Variants in TRAF5 observed in about 807,000 individuals in gnomAD.
The protein encoded by TRAF5 is TNF receptor associated factor 5, also known as TNF receptor-associated factor 5.
A neutral mutation model predicts 64.5 loss-of-function variants in TRAF5; 48 were observed. That is an observed-to-expected ratio of 0.74 (90% CI 0.59 to 0.95). The LOEUF is 0.95. TRAF5 is among the 40% of genes least tolerant of loss of function. TRAF5 has a pLI of 0.00. For synonymous variants in TRAF5, 206 were observed against 240.5 expected (o/e 0.86, Z 1.33); for missense variants, 545 against 662.8 (o/e 0.82, Z 1.95).
At position 211,372,892 on chromosome 1, in the gene TRAF5, T is replaced by G. The variant is rs1572098946; in HGVS notation, c.*190T>G. On this transcript the variant is annotated 3_prime_UTR_variant, in exon 11 of 11. Transcript: ENST00000261464. ...ATTTTACTCTGTCCCAGTTTGAAAC[T>G]TAAAACTCTTAGAATATTCTCTTAT... 2.0e-6 allele frequency: 1 copy of G among 508,670 alleles called. No homozygotes were observed. Among genetic ancestry groups the G allele is most frequent in the East Asian group, 3.1e-5 (1 of 32,574 alleles). The allele number at this position is 508,670 out of a possible 1,614,324, so 31.5% of individuals were successfully genotyped here.
At chr1:211,333,699 C>T (rs1217176494) in intron 1 of TRAF5, among the ~76,000 whole-genome samples, 3 of 151,662 alleles carry the variant, frequency 2.0e-5, no homozygotes, top group Non-Finnish European at 2.9e-5. Context: ...GGTTTCACCA[C>T]GTTAGCCAGG....
intron 4 of TRAF5, 33 bp from the exon 5 acceptor site, chr1:211,359,879 C>G (rs1324257502): frequency 1.2e-6 from 2 of 1,612,436 alleles, no homozygotes; most frequent in African/African-American, 2.7e-5. Context: ...CCCTGGTCAG[C>G]AGGTCCCACT....
intron 1 of TRAF5, among the ~76,000 whole-genome samples, chr1:211,338,283 G>A (rs922713295): frequency 6.6e-6 from 1 of 152,204 alleles, no homozygotes; most frequent in Non-Finnish European, 1.5e-5. Context: ...GTCCAAGCTA[G>A]CATTTTCATC....
chr1:211,358,751 A>C (rs1703068758), intron 4 of TRAF5: 1 of 148,928 alleles, frequency 6.7e-6, no homozygotes, highest in Admixed American at 6.7e-5. Flanking sequence ...AGAACCCTGG[A>C]ATGAACACTG....
At chr1:211,326,741 C>T (rs1463870282), upstream of TRAF5, 35 of 985,744 alleles carry the variant, frequency 3.6e-5, no homozygotes, top group East Asian at 1.6e-3. The surrounding 1 kb of genome is among the most constrained non-coding windows in gnomAD (Gnocchi z 5.0). Flanking sequence ...TGCGCGTCCG[C>T]TCTTCCCCTG....
intron 1 of TRAF5, among the ~76,000 whole-genome samples, chr1:211,327,456 AC>A (rs1468627000): frequency 2.0e-5 from 3 of 151,808 alleles, no homozygotes; most frequent in South Asian, 2.1e-4. Context: ...GAAAGCAGCT[AC>A]CCCCCTCCCC....
At chr1:211,330,348 T>C (rs1702124514) in intron 1 of TRAF5, among the ~76,000 whole-genome samples, 1 of 151,154 alleles carries the variant, frequency 6.6e-6, no homozygotes, top group Non-Finnish European at 1.5e-5. Context: ...ATTCAGAACA[T>C]TCCTGAATTT....
At chr1:211,349,724 G>A (rs1702724735) in intron 1 of TRAF5, among the ~76,000 whole-genome samples, 1 of 152,224 alleles carries the variant, frequency 6.6e-6, no homozygotes, top group Non-Finnish European at 1.5e-5. Context: ...GTTAGGGAGA[G>A]TGCAGAGTGT....
chr1:211,342,744 A>G (rs1240680998), intron 1 of TRAF5, among the ~76,000 whole-genome samples: 2 of 152,236 alleles, frequency 1.3e-5, no homozygotes, highest in Non-Finnish European at 2.9e-5. Context: ...ACAAACAAGA[A>G]CATGTGAAGC....
chr1:211,345,307 C>T (rs899853161), intron 1 of TRAF5, among the ~76,000 whole-genome samples: 2 of 152,086 alleles, frequency 1.3e-5, no homozygotes, highest in Non-Finnish European at 2.9e-5. Flanking sequence ...CTTCCTGCCT[C>T]GGCCTCTCAA....
At chr1:211,361,940 G>T (rs1404120884) in intron 7 of TRAF5, among the ~76,000 whole-genome samples, 1 of 151,726 alleles carries the variant, frequency 6.6e-6, no homozygotes, top group South Asian at 2.1e-4. Context: ...CAGGCGATGC[G>T]CCTGCCTCGG....
chr1:211,341,952 G>A (rs1387141073), intron 1 of TRAF5, among the ~76,000 whole-genome samples: 1 of 152,232 alleles, frequency 6.6e-6, no homozygotes, highest in East Asian at 1.9e-4. Flanking sequence ...CATTGATGGA[G>A]AGACTCAGGG....
intron 1 of TRAF5, among the ~76,000 whole-genome samples, chr1:211,340,215 C>T (rs560689600): frequency 6.6e-6 from 1 of 152,270 alleles, no homozygotes; most frequent in East Asian, 1.9e-4. Context: ...TGTCTGTTGG[C>T]TGTGCATCCA....
Position 211,374,393 on chromosome 1 carries a change from C to A in TRAF5, c.*1691C>A, listed in dbSNP as rs932173110. The A allele has an allele frequency of 6.6e-6, 1 of 152,438 alleles. No homozygotes were observed. The highest frequency in any genetic ancestry group is 2.4e-5 in the African/African-American group (1 of 41,462). 9.4% of individuals were successfully genotyped at this position (152,438 alleles called of 1,614,324 possible). On this transcript the variant is annotated 3_prime_UTR_variant, in exon 11 of 11. Coordinates refer to ENST00000261464, the MANE Select transcript of TRAF5 (RefSeq NM_001033910.3). The stretch of plus-strand genomic sequence containing the variant: ...GACCATGCACCTTACAATTTCTGAA[C>A]AGTTAACCCTATAGAAGCATGCTTT...
chr1:211,350,210 T>C lies in TRAF5; in HGVS notation c.-1-3029T>C, dbSNP rs558379593. On this transcript the variant is annotated intron_variant, in intron 1 of 10. Transcript: ENST00000261464. Reference sequence around the variant, plus strand: ...GGTCTCAAACCCCAGGCTTTTTTTTTTTTCTTTCTTTTTTTTTTTTGAGAC... The same window carrying C: ...GGTCTCAAACCCCAGGCTTTTTTTTCTTTCTTTCTTTTTTTTTTTTGAGAC... Among the ~76,000 whole-genome samples, 26 of 151,958 alleles carry C rather than the reference T, an allele frequency of 1.7e-4. No individual in the cohort carries two copies. The South Asian group carries it at 4.2e-3, about 24-fold the overall frequency.
At chr1:211,363,431 G>A (rs1403281178) in intron 7 of TRAF5, among the ~76,000 whole-genome samples, 1 of 152,170 alleles carries the variant, frequency 6.6e-6, no homozygotes, top group Non-Finnish European at 1.5e-5. Flanking sequence ...GTTCTCATTT[G>A]TGTTAAAAAT....
intron 3 of TRAF5, among the ~76,000 whole-genome samples, 159 bp downstream of exon 3, chr1:211,354,626 CTGTTTGAGAGGCT>C (rs1702904579): frequency 6.6e-6 from 1 of 152,128 alleles, no homozygotes; most frequent in Non-Finnish European, 1.5e-5. Flanking sequence ...ACTCGTAGCC[CTGTTTGAGAGGCT>C]TGTTTGGGTC....
chr1:211,355,609 C>T (rs958262095), intron 3 of TRAF5, among the ~76,000 whole-genome samples: 2 of 152,196 alleles, frequency 1.3e-5, no homozygotes, highest in Admixed American at 1.3e-4. Flanking sequence ...GTCTGACCTA[C>T]TATCCAGGGG....
At chr1:211,328,528 GC>G (rs1358225503) in intron 1 of TRAF5, among the ~76,000 whole-genome samples, 1 of 152,130 alleles carries the variant, frequency 6.6e-6, no homozygotes, top group African/African-American at 2.4e-5. Flanking sequence ...CAGCAAGCCC[GC>G]TGGACTTGGG....
Sources: allele counts gnomAD v4.1 joint callset (sites outside exome capture counted in the v4.1 genomes callset), GRCh38; gene constraint gnomAD v4.1.1; non-coding constraint Gnocchi (gnomAD v3.1); transcripts MANE v1.5; gene names NCBI Gene and HGNC (gene_info 2026-07-23, HGNC 2026-07-21).